ANKFN1: variants seen among roughly 807,000 people sequenced by gnomAD.
ANKFN1 encodes ankyrin repeat and fibronectin type-III domain-containing protein 1.
In ANKFN1, 74 loss-of-function variants were observed where a neutral mutation model predicts 108.7. The observed-to-expected ratio is 0.68, with a 90% confidence interval of 0.56 to 0.83. The LOEUF (loss-of-function observed/expected upper bound fraction) is 0.83. Ranked by LOEUF, ANKFN1 falls within the 40% of genes least tolerant of loss-of-function variation. The pLI is 0.00. For synonymous variants in ANKFN1, 547 were observed against 516.2 expected, an observed-to-expected ratio of 1.06 and a Z score of -0.81; for missense variants, 1,505 against 1,382.3, an observed-to-expected ratio of 1.09 and a Z score of -1.41.
At chr17:56,063,499 G>A (rs1212622913) in intron 4 of ANKFN1, among the ~76,000 whole-genome samples, 2 of 151,006 alleles carry the variant, frequency 1.3e-5, no homozygotes, top group Non-Finnish European at 2.9e-5. Context: ...CAGCAAGGTG[G>A]TCTTTAAAAC....
chr17:56,168,555 G>A (rs1910366117), intron 1 of ANKFN1, among the ~76,000 whole-genome samples: 1 of 152,192 alleles, frequency 6.6e-6, no homozygotes, highest in Admixed American at 6.5e-5. Flanking sequence ...CACAGGAAAT[G>A]TATTTTTGTG....
intron 4 of ANKFN1, among the ~76,000 whole-genome samples, chr17:56,055,566 C>CATATAT (rs1355346286): frequency 0.032 from 1,521 of 47,348 alleles, 181 homozygotes; most frequent in East Asian, 0.041. Context: ...GGTATATATA[C>CATATAT]ATATATATAT....
At position 56,159,033 on chromosome 17, in the gene ANKFN1, CAAAA is replaced by C. The variant is rs57878541; in HGVS notation, c.-71+5522_-71+5525del. Among the ~76,000 whole-genome samples, 25 of 71,014 alleles carry C rather than the reference CAAAA, an allele frequency of 3.5e-4. No homozygotes were observed. In the South Asian group the frequency reaches 0.015, roughly 43 times the overall value. 46.6% of individuals were successfully genotyped at this position (71,014 alleles called of 152,430 possible). ...ACCACCATCTAGGAATGGTCTAGGC[CAAAA>C]AAAAAAAAAAAAAAAAAAGCAGAAG... is the stretch of plus-strand genomic sequence containing the variant. On this transcript the variant is annotated intron_variant, in intron 1 of 20. Coordinates refer to ENST00000682825, the MANE Select transcript of ANKFN1 (RefSeq NM_001370326.1).
intron 4 of ANKFN1, among the ~76,000 whole-genome samples, chr17:56,072,864 C>G (rs1271234980): frequency 6.6e-6 from 1 of 152,148 alleles, no homozygotes; most frequent in East Asian, 1.9e-4. Flanking sequence ...GTGGACAAAG[C>G]CCAAAAAATT....
chr17:56,190,828 T>A (rs1332500942), intron 1 of ANKFN1, among the ~76,000 whole-genome samples: 2 of 138,572 alleles, frequency 1.4e-5, no homozygotes, highest in Non-Finnish European at 3.1e-5. Context: ...AAGTCTCCCA[T>A]TATTAATGTT....
At chr17:56,085,541 G>A (rs911623713) in intron 4 of ANKFN1, among the ~76,000 whole-genome samples, 8 of 151,050 alleles carry the variant, frequency 5.3e-5, no homozygotes, top group African/African-American at 1.9e-4. Context: ...AGAACTGAGG[G>A]AGAATAAATT....
At chr17:56,050,747 T>G (rs1312227348) in intron 4 of ANKFN1, among the ~76,000 whole-genome samples, 1 of 152,114 alleles carries the variant, frequency 6.6e-6, no homozygotes, top group East Asian at 1.9e-4. Context: ...GTTCCATTGA[T>G]CTATATCTCT....
intron 19 of ANKFN1, among the ~76,000 whole-genome samples, chr17:56,492,580 G>A (rs2051074927): frequency 6.6e-6 from 1 of 152,138 alleles, no homozygotes; most frequent in Non-Finnish European, 1.5e-5. Flanking sequence ...AATGTTATCA[G>A]TCACCATGGT....
intron 14 of ANKFN1, among the ~76,000 whole-genome samples, chr17:56,459,853 C>G (rs891239916): frequency 6.6e-6 from 1 of 152,182 alleles, no homozygotes; most frequent in South Asian, 2.1e-4. Context: ...ACTTCCTCAG[C>G]TTCCAAATCT....
intron 3 of ANKFN1, among the ~76,000 whole-genome samples, chr17:56,325,428 A>T (rs560944104): frequency 6.6e-6 from 1 of 152,286 alleles, no homozygotes; most frequent in Admixed American, 6.5e-5. Flanking sequence ...CTTTCTAGGA[A>T]ATCTATTTGT....
At chr17:56,197,312 G>A (rs1358901248) in intron 1 of ANKFN1, among the ~76,000 whole-genome samples, 2 of 152,188 alleles carry the variant, frequency 1.3e-5, no homozygotes, top group African/African-American at 4.8e-5. Context: ...TGTTTCCAGA[G>A]ACTGAGAAAA....
intron 2 of ANKFN1, among the ~76,000 whole-genome samples, chr17:56,217,283 G>A (rs1915493752): frequency 6.6e-6 from 1 of 152,136 alleles, no homozygotes; most frequent in African/African-American, 2.4e-5. Context: ...ACTGTCTTCT[G>A]TAGCAGCATT....
intron 1 of ANKFN1, among the ~76,000 whole-genome samples, chr17:56,163,341 A>G (rs1366430558): frequency 6.6e-6 from 1 of 152,170 alleles, no homozygotes; most frequent in Non-Finnish European, 1.5e-5. Flanking sequence ...TCATTTGGAC[A>G]CTAGCCACTG....
rs149979126 is a variant in ANKFN1 at position 56,182,528 on chromosome 17, A to G, written c.-71+28998A>G. On this transcript the variant is annotated intron_variant, in intron 1 of 20. Transcript: ENST00000682825. ...CTTTGAATTTTCTGAAATCTGGGAG[A>G]GGTGACAAAGCTGCAGAAGAATCAT... 2.0e-5 allele frequency among the ~76,000 whole-genome samples: 3 copies of G among 152,294 alleles called. No homozygotes were observed. The East Asian group carries it at 5.8e-4, about 29-fold the overall frequency.
At chr17:56,170,807 T>TATATATATATAC (rs1361307404) in intron 1 of ANKFN1, among the ~76,000 whole-genome samples, 748 of 61,226 alleles carry the variant, frequency 0.012, 6 homozygotes, top group African/African-American at 0.014. Context: ...TATATATATA[T>TATATATATATAC]ACACACACAC....
chr17:56,339,223 C>T (rs904987116), intron 4 of ANKFN1, among the ~76,000 whole-genome samples: 4 of 151,822 alleles, frequency 2.6e-5, no homozygotes, highest in Non-Finnish European at 4.4e-5. Context: ...AGAAAAAATA[C>T]AAAAATAAAA....
chr17:56,318,596 G>C (rs140543656), intron 3 of ANKFN1, among the ~76,000 whole-genome samples: 39 of 152,254 alleles, frequency 2.6e-4, no homozygotes, highest in African/African-American at 9.4e-4. Context: ...GCTGTGCTGA[G>C]AGTTTTAACA....
chr17:56,255,427 A>G (rs2043335394), intron 3 of ANKFN1, among the ~76,000 whole-genome samples: 1 of 152,170 alleles, frequency 6.6e-6, no homozygotes, highest in Non-Finnish European at 1.5e-5. Context: ...CACAAAAGAC[A>G]ATCATTACTC....
chr17:56,136,270 T>A (rs969339338), intron 4 of ANKFN1, among the ~76,000 whole-genome samples: 1 of 152,116 alleles, frequency 6.6e-6, no homozygotes, highest in South Asian at 2.1e-4. Context: ...GTGTTCTGTA[T>A]GGAAAATTGT....
Sources: gnomAD v4.1 joint callset for allele counts (sites outside exome capture counted in the v4.1 genomes callset) on GRCh38, gnomAD v4.1.1 for gene constraint, MANE v1.5 for transcripts, NCBI Gene and HGNC (gene_info 2026-07-23, HGNC 2026-07-21) for gene names.